Variants in SAE1 observed in about 807,000 individuals in gnomAD.
The protein encoded by SAE1 is SUMO-activating enzyme subunit 1.
Under a neutral mutation model 40.6 loss-of-function variants are expected in SAE1, and 11 were observed. That is an observed-to-expected ratio of 0.27 (90% CI 0.17 to 0.45). The LOEUF (loss-of-function observed/expected upper bound fraction) is 0.45, where lower values mean the gene tolerates loss of function less well. SAE1 is among the 20% of genes least tolerant of loss of function. The pLI, the probability that SAE1 is intolerant of heterozygous loss-of-function variation, is 1.00. For synonymous variants in SAE1, 155 were observed against 154.3 expected (o/e 1.00, Z -0.03); for missense variants, 373 against 427.3 (o/e 0.87, Z 1.12).
At chr19:47,140,403 G>A (rs1005596775) in intron 1 of SAE1, among the ~76,000 whole-genome samples, 4 of 151,960 alleles carry the variant, frequency 2.6e-5, no homozygotes, top group South Asian at 2.1e-4. Context: ...ACCGTGCCCA[G>A]CCCACGCCCG....
chr19:47,169,834 C>T lies in SAE1; in HGVS notation c.644C>T (p.Pro215Leu). ...TTTCCACAGAAGGTGGTCTTCTGCCCTGTTAAAGAAGCCCTGGAGGTGGAC... is the reference window on the plus strand; with the variant it reads ...TTTCCACAGAAGGTGGTCTTCTGCCTTGTTAAAGAAGCCCTGGAGGTGGAC... ...TMVKKKVVFC[P>L]VKEALEVDWS... is the part of the protein sequence containing the mutation. Residue 215 changes from proline (P) to leucine (L), a missense_variant, in exon 6 of 9, where the codon CCT becomes CTT. Around this residue, in one of 3 missense-constraint regions of SAE1, gnomAD observed 351 missense variants for 390.6 expected, o/e 0.90. Transcript: ENST00000270225. 1 of 1,613,894 alleles carries T rather than the reference C, an allele frequency of 6.2e-7. No homozygotes were observed. Among genetic ancestry groups the T allele is most frequent in the South Asian group, 1.1e-5 (1 of 91,078 alleles).
intron 7 of SAE1, among the ~76,000 whole-genome samples, chr19:47,197,643 A>G (rs1362256607): frequency 2.2e-4 from 33 of 152,230 alleles, no homozygotes; most frequent in Admixed American, 2.2e-3. Context: ...ATTATTCTCT[A>G]CCTTTTTTCA....
chr19:47,165,280 G>C (rs555441369), intron 5 of SAE1, among the ~76,000 whole-genome samples: 1 of 151,404 alleles, frequency 6.6e-6, no homozygotes, highest in East Asian at 1.9e-4. Flanking sequence ...AGTGGAGACG[G>C]GGTTTCACCA....
intron 6 of SAE1, among the ~76,000 whole-genome samples, chr19:47,184,689 G>A (rs1211484779): frequency 6.6e-6 from 1 of 151,796 alleles, no homozygotes; most frequent in Non-Finnish European, 1.5e-5. Flanking sequence ...GGGATTACAG[G>A]CGTGAGCCAC....
At chr19:47,179,044 T>C (rs2058487753) in intron 6 of SAE1, among the ~76,000 whole-genome samples, 2 of 151,178 alleles carry the variant, frequency 1.3e-5, no homozygotes, top group African/African-American at 2.4e-5. Context: ...ATACAAAAAT[T>C]AGCCGGGCGT....
At chr19:47,194,334 G>A (rs1188157503) in intron 6 of SAE1, among the ~76,000 whole-genome samples, 1 of 152,166 alleles carries the variant, frequency 6.6e-6, no homozygotes, top group African/African-American at 2.4e-5. Context: ...TCTGGGGTGG[G>A]TACCAAATAC....
intron 8 of SAE1, 138 bp from the exon 9 acceptor site, chr19:47,209,021 G>A: frequency 1.5e-6 from 1 of 676,818 alleles, no homozygotes; most frequent in South Asian, 1.9e-5. Context: ...ATTGTCTCCA[G>A]ACATTGCCAA....
In SAE1 at chr19:47,139,682, G is replaced by A. The variant is rs1416856569; in HGVS notation, c.99-3812G>A. On this transcript the variant is annotated intron_variant, in intron 1 of 8. Transcript: ENST00000270225. ...CGGCTCACTGCAAGCTACACCTTCC[G>A]GGTTCACACCATTCTCCTGTCTCAG... Among the ~76,000 whole-genome samples, 4 of 148,706 alleles carry A rather than the reference G, an allele frequency of 2.7e-5. No homozygotes were observed. The South Asian group carries it at 6.4e-4, about 24-fold the overall frequency.
intron 2 of SAE1, among the ~76,000 whole-genome samples, chr19:47,147,297 C>A (rs997084012): frequency 2.1e-5 from 3 of 142,254 alleles, no homozygotes; most frequent in Non-Finnish European, 4.5e-5. Context: ...GCCTTAACTT[C>A]CTGGGCTCAG....
At chr19:47,160,946 G>T (rs999435725) in intron 5 of SAE1, among the ~76,000 whole-genome samples, 5 of 152,154 alleles carry the variant, frequency 3.3e-5, no homozygotes, top group African/African-American at 1.2e-4. Context: ...AGGTAGGAGA[G>T]TTAGTTGGGG....
intron 6 of SAE1, among the ~76,000 whole-genome samples, chr19:47,196,192 C>G (rs2058613521): frequency 6.6e-6 from 1 of 151,094 alleles, no homozygotes. Flanking sequence ...ATTATAGGTG[C>G]CTGGCTAATT....
At chr19:47,180,466 A>G (rs924203244) in intron 6 of SAE1, among the ~76,000 whole-genome samples, 1 of 152,236 alleles carries the variant, frequency 6.6e-6, no homozygotes, top group Admixed American at 6.5e-5. Context: ...CAATTGTTTC[A>G]ATCAAGAATC....
intron 7 of SAE1, among the ~76,000 whole-genome samples, chr19:47,197,970 A>C (rs1055527322): frequency 8.5e-5 from 13 of 152,230 alleles, no homozygotes; most frequent in Non-Finnish European, 1.0e-4. Flanking sequence ...TACCCCCAGC[A>C]GCAAAACCAC....
intron 3 of SAE1, among the ~76,000 whole-genome samples, chr19:47,152,487 T>C (rs538191449): frequency 2.0e-5 from 3 of 152,372 alleles, no homozygotes; most frequent in Non-Finnish European, 4.4e-5. Flanking sequence ...AAACATGACC[T>C]TTGGGTCAAT....
intron 2 of SAE1, among the ~76,000 whole-genome samples, chr19:47,148,894 G>A (rs1271691656): frequency 1.3e-5 from 2 of 152,078 alleles, no homozygotes; most frequent in African/African-American, 2.4e-5. Context: ...GATTACAAGC[G>A]TGAGCCACCG....
chr19:47,153,096 T>A (rs994733514), intron 4 of SAE1, 56 bp downstream of exon 4: 17 of 1,452,602 alleles, frequency 1.2e-5, no homozygotes, highest in Non-Finnish European at 1.6e-5. Flanking sequence ...TATACTTTTT[T>A]TTTTTAAATT....
chr19:47,174,510 C>T (rs1039735712), intron 6 of SAE1, among the ~76,000 whole-genome samples: 1 of 151,256 alleles, frequency 6.6e-6, no homozygotes, highest in African/African-American at 2.4e-5. Context: ...AATTCTCCTG[C>T]CTCAGCCTTC....
chr19:47,175,001 G>A (rs896240421), intron 6 of SAE1, among the ~76,000 whole-genome samples: 4 of 151,944 alleles, frequency 2.6e-5, no homozygotes, highest in Non-Finnish European at 5.9e-5. Context: ...GAGGCACCGT[G>A]CCCGGCAGTG....
intron 5 of SAE1, among the ~76,000 whole-genome samples, chr19:47,168,485 G>T (rs1353147462): frequency 6.6e-6 from 1 of 151,696 alleles, no homozygotes; most frequent in Non-Finnish European, 1.5e-5. Context: ...TAGAGATTGG[G>T]GTCTCACTTT....
Sources: gnomAD v4.1 joint callset for allele counts (sites outside exome capture counted in the v4.1 genomes callset) on GRCh38, gnomAD v4.1.1 for gene constraint, gnomAD v4.1.1 regional missense constraint, MANE v1.5 for transcripts, NCBI Gene and HGNC (gene_info 2026-07-23, HGNC 2026-07-21) for gene names.